The following SYT1 variants were observed in gnomAD, a reference collection of about 807,000 sequenced individuals.
The protein encoded by SYT1 is synaptotagmin-1.
SYT1 carries 8 observed loss-of-function variants against 44.8 expected under a neutral mutation model. The observed-to-expected ratio is 0.18, with a 90% CI of 0.10 to 0.32. The LOEUF (loss-of-function observed/expected upper bound fraction) is 0.32. Ranked by LOEUF, SYT1 falls within the 10% of genes least tolerant of loss-of-function variation. The probability of loss-of-function intolerance (pLI) is 1.00; values close to 1 mark genes in which losing one functional copy is unlikely to be tolerated. For synonymous variants in SYT1, 154 were observed against 188.8 expected (o/e 0.82, Z 1.51); for missense variants, 286 against 509.3 (o/e 0.56, Z 4.22).
intron 4 of SYT1, among the ~76,000 whole-genome samples, chr12:79,271,992 T>C (rs1356972093): frequency 6.6e-6 from 1 of 152,230 alleles, no homozygotes; most frequent in Admixed American, 6.5e-5. Flanking sequence ...TAGTCAATAT[T>C]TCTACCAATG....
chr12:79,292,248 C>A, intron 6 of SYT1, 118 bp downstream of exon 6: 1 of 1,208,834 alleles, frequency 8.3e-7, no homozygotes. Flanking sequence ...ATGCAATTAT[C>A]AAAGCTATGG....
chr12:79,357,201 C>T (rs1883146559), intron 9 of SYT1, among the ~76,000 whole-genome samples: 2 of 152,156 alleles, frequency 1.3e-5, no homozygotes, highest in South Asian at 2.1e-4. Context: ...TATCCACATG[C>T]AAAAAATGCA....
chr12:79,119,722 C>T (rs897895133), intron 3 of SYT1, among the ~76,000 whole-genome samples: 1 of 152,070 alleles, frequency 6.6e-6, no homozygotes, highest in Non-Finnish European at 1.5e-5. Flanking sequence ...ACTCAAGAAA[C>T]CCAGGACTCA....
chr12:79,037,055 T>C (rs1038175073), intron 2 of SYT1, among the ~76,000 whole-genome samples: 4 of 151,956 alleles, frequency 2.6e-5, no homozygotes, highest in African/African-American at 9.6e-5. Flanking sequence ...TGAACATTTA[T>C]TTATGTGACA....
chr12:79,206,437 C>T (rs1565854972), intron 3 of SYT1, among the ~76,000 whole-genome samples: 1 of 151,970 alleles, frequency 6.6e-6, no homozygotes, highest in Non-Finnish European at 1.5e-5. Flanking sequence ...GTTGAGCGTA[C>T]GTTGAGCAAA....
At chr12:78,917,054 G>A (rs1337992555) in intron 1 of SYT1, among the ~76,000 whole-genome samples, 2 of 151,894 alleles carry the variant, frequency 1.3e-5, no homozygotes, top group Non-Finnish European at 2.9e-5. Flanking sequence ...AGCCACCCAA[G>A]TACCTGGGAC....
intron 8 of SYT1, among the ~76,000 whole-genome samples, chr12:79,303,781 C>T (rs1439394989): frequency 6.6e-6 from 1 of 152,072 alleles, no homozygotes; most frequent in African/African-American, 2.4e-5. Flanking sequence ...TTTTAACTTC[C>T]AATGGTCAAT....
chr12:79,260,819 T>G (rs1415378013), intron 4 of SYT1, among the ~76,000 whole-genome samples: 1 of 150,970 alleles, frequency 6.6e-6, no homozygotes, highest in African/African-American at 2.4e-5. Context: ...TTTTTTTTAG[T>G]AGACTTGGGT....
intron 9 of SYT1, among the ~76,000 whole-genome samples, chr12:79,359,883 C>A (rs1026526337): frequency 6.6e-6 from 1 of 152,034 alleles, no homozygotes; most frequent in African/African-American, 2.4e-5. Flanking sequence ...CAAGGAGAAA[C>A]CATGAACCAG....
In SYT1 at chr12:79,098,276, TG is replaced by T. The variant is rs373114065; in HGVS notation, c.-18+50918del. 3.7e-4 allele frequency among the ~76,000 whole-genome samples: 56 copies of T among 152,198 alleles called. No individual in the cohort carries two copies. The South Asian group carries it at 0.011, about 29-fold the overall frequency. ...ACGACACTGTCATCTCCAAATGAGC[TG>T]GGGAGAAAGTGGCCCCTAATAATTC... On this transcript the variant is annotated intron_variant, in intron 3 of 10. Transcript: ENST00000261205.
intron 3 of SYT1, among the ~76,000 whole-genome samples, chr12:79,125,764 G>A (rs2138154189): frequency 6.6e-6 from 1 of 152,176 alleles, no homozygotes; most frequent in African/African-American, 2.4e-5. Flanking sequence ...TCACATTCCT[G>A]AATAAATAAC....
intron 3 of SYT1, among the ~76,000 whole-genome samples, chr12:79,174,100 C>A (rs879354147): frequency 6.6e-6 from 1 of 151,908 alleles, no homozygotes; most frequent in Admixed American, 6.6e-5. Flanking sequence ...GATTAATGCC[C>A]AGAGATAAAA....
In SYT1 at chr12:79,323,779, G is replaced by T. The variant is rs186554194; in HGVS notation, c.810+24228G>T. Among the ~76,000 whole-genome samples the T allele has an allele frequency of 2.9e-3, 435 of 151,388 alleles. 2 individuals carry two copies. Among genetic ancestry groups the T allele is most frequent in the African/African-American group, 9.8e-3 (405 of 41,366 alleles). On this transcript the variant is annotated intron_variant, in intron 8 of 10. Transcript: ENST00000261205. ...CATACTTATATGGAAAAATGTTTTA[G>T]TATGTTAAATAGAAAAAGCAAAATA...
chr12:79,144,230 A>C (rs894780614), intron 3 of SYT1, among the ~76,000 whole-genome samples: 1 of 152,232 alleles, frequency 6.6e-6, no homozygotes, highest in Non-Finnish European at 1.5e-5. Context: ...ATTTCTCCTG[A>C]ATCTCAAAAG....
chr12:79,182,478 G>A (rs1235669206), intron 3 of SYT1, among the ~76,000 whole-genome samples: 1 of 152,040 alleles, frequency 6.6e-6, no homozygotes, highest in Non-Finnish European at 1.5e-5. Flanking sequence ...CCATCCATGA[G>A]AATATACCTC....
intron 9 of SYT1, among the ~76,000 whole-genome samples, chr12:79,421,938 C>T (rs1454827825): frequency 1.3e-5 from 2 of 151,966 alleles, no homozygotes; most frequent in African/African-American, 4.8e-5. Flanking sequence ...GAATACTTTT[C>T]CTGTTCCATT....
chr12:79,186,969 TAA>T (rs1425309463), intron 3 of SYT1, among the ~76,000 whole-genome samples: 1 of 152,138 alleles, frequency 6.6e-6, no homozygotes, highest in African/African-American at 2.4e-5. Context: ...GTATTATTTA[TAA>T]GTTCATTTAA....
intron 2 of SYT1, among the ~76,000 whole-genome samples, chr12:79,014,013 T>C (rs1284406772): frequency 2.1e-5 from 3 of 146,130 alleles, no homozygotes; most frequent in African/African-American, 7.7e-5. Context: ...GTAGTCCCAG[T>C]ACTCGGGATC....
Position 79,142,569 on chromosome 12 carries a change from C to A in SYT1, c.-17-74934C>A, listed in dbSNP as rs1202260062. On this transcript the variant is annotated intron_variant, in intron 3 of 10. Coordinates refer to ENST00000261205, the MANE Select transcript of SYT1 (RefSeq NM_005639.3). The stretch of plus-strand genomic sequence containing the variant: ...AATCTCACATGCCAAGAAACCATCC[C>A]TTACTAAAATGATGGAATGGAATAT... Among the ~76,000 whole-genome samples, 7 of 152,276 alleles carry A rather than the reference C, an allele frequency of 4.6e-5. 1 individual carries two copies. The highest frequency in any genetic ancestry group is 1.4e-4 in the African/African-American group (6 of 41,558).
Sources: allele counts gnomAD v4.1 joint callset (sites outside exome capture counted in the v4.1 genomes callset), GRCh38; gene constraint gnomAD v4.1.1; transcripts MANE v1.5; gene names NCBI Gene and HGNC (gene_info 2026-07-23, HGNC 2026-07-21).